The following CCDC60 variants were observed in gnomAD, a reference collection of about 807,000 sequenced individuals.
CCDC60 encodes coiled-coil domain-containing protein 60.
A neutral mutation model predicts 63.5 loss-of-function variants in CCDC60; 54 were observed. The ratio of observed to expected loss-of-function variants is 0.85; its 90% CI spans 0.68 to 1.07. The LOEUF (loss-of-function observed/expected upper bound fraction) is 1.07. Ranked by LOEUF, CCDC60 falls within the 50% of genes least tolerant of loss-of-function variation. The pLI, the probability that CCDC60 is intolerant of heterozygous loss-of-function variation, is 0.00. For synonymous variants in CCDC60, 206 were observed against 238.8 expected (o/e 0.86, Z 1.27); for missense variants, 651 against 684.3 (o/e 0.95, Z 0.54).
intron 1 of CCDC60, among the ~76,000 whole-genome samples, chr12:119,344,495 C>T (rs1955566526): frequency 6.6e-6 from 1 of 152,126 alleles, no homozygotes; most frequent in South Asian, 2.1e-4. Context: ...GCCTCCTTCC[C>T]CAAGGTTACT....
At chr12:119,435,427 C>T (rs1206612874) in intron 2 of CCDC60, among the ~76,000 whole-genome samples, 2 of 152,124 alleles carry the variant, frequency 1.3e-5, no homozygotes, top group African/African-American at 2.4e-5. Flanking sequence ...TCTGCCTTTT[C>T]CACTGCCATT....
intron 1 of CCDC60, among the ~76,000 whole-genome samples, chr12:119,392,119 G>T (rs189820032): frequency 7.9e-5 from 12 of 152,230 alleles, no homozygotes; most frequent in Non-Finnish European, 1.0e-4. Context: ...TAGAGAAAGG[G>T]GTGTCCTGTG....
rs975635496 is a variant in CCDC60, at chr12:119,428,731, A to G, written c.139A>G (p.Ile47Val). 1.9e-6 allele frequency: 3 copies of G among 1,606,364 alleles called. No homozygotes were observed. The highest frequency in any genetic ancestry group is 2.7e-5 in the African/African-American group (2 of 74,834). ...CATCAAGTATATGGACAAGGAAATA[A>G]TAAACCTCAAAAAGGACCTTATACG... Reference protein sequence around the residue: ...KSIKYMDKEIINLKKDLIRSR... With the variant: ...KSIKYMDKEIVNLKKDLIRSR... Residue 47 changes from isoleucine to valine, a missense_variant, in exon 2 of 14, where the codon ATA becomes GTA. Ile to Val is a conservative substitution (Grantham distance 29). Coordinates refer to ENST00000327554, the MANE Select transcript of CCDC60 (RefSeq NM_178499.5).
intron 1 of CCDC60, among the ~76,000 whole-genome samples, chr12:119,416,821 C>G (rs944879864): frequency 2.0e-5 from 3 of 152,196 alleles, no homozygotes; most frequent in Middle Eastern, 3.4e-3. Context: ...AGAATGGAGT[C>G]TTTATAAAGA....
At chr12:119,510,253 C>A (rs905681678) in intron 7 of CCDC60, among the ~76,000 whole-genome samples, 1 of 152,208 alleles carries the variant, frequency 6.6e-6, no homozygotes, top group African/African-American at 2.4e-5. Flanking sequence ...CCCCAGGCTG[C>A]CCAGGTCAGC....
chr12:119,403,610 C>T (rs1447043167), intron 1 of CCDC60, among the ~76,000 whole-genome samples: 1 of 152,160 alleles, frequency 6.6e-6, no homozygotes, highest in African/African-American at 2.4e-5. Context: ...CATCTTCCCC[C>T]TGTGCCCTCT....
intron 1 of CCDC60, among the ~76,000 whole-genome samples, chr12:119,390,800 G>C (rs1956143417): frequency 6.6e-6 from 1 of 152,230 alleles, no homozygotes; most frequent in Non-Finnish European, 1.5e-5. Flanking sequence ...CAAGGAGTTA[G>C]ATGATCTTAA....
intron 7 of CCDC60, among the ~76,000 whole-genome samples, chr12:119,509,808 G>C (rs1029375394): frequency 5.2e-4 from 79 of 152,148 alleles, no homozygotes; most frequent in African/African-American, 1.8e-3. Flanking sequence ...GCACAGAGAG[G>C]TTAAGTTATT....
intron 1 of CCDC60, among the ~76,000 whole-genome samples, chr12:119,389,843 G>A (rs948853462): frequency 3.9e-5 from 6 of 152,022 alleles, no homozygotes; most frequent in Non-Finnish European, 8.8e-5. Context: ...TAGTGGCTTT[G>A]CACACATTAC....
At chr12:119,449,156 A>C (rs1383181197) in intron 2 of CCDC60, among the ~76,000 whole-genome samples, 2 of 152,198 alleles carry the variant, frequency 1.3e-5, no homozygotes, top group Non-Finnish European at 2.9e-5. Context: ...AAAGCTTGCC[A>C]AGTCCATGAG....
At chr12:119,455,995 GAGAAAGAGAA>G (rs1240822044) in intron 2 of CCDC60, among the ~76,000 whole-genome samples, 6 of 79,562 alleles carry the variant, frequency 7.5e-5, no homozygotes, top group African/African-American at 2.9e-4. Context: ...GAAAGAGAGA[GAGAAAGAGAA>G]AGAAAGAAAG....
chr12:119,428,207 C>G (rs1450533211), intron 1 of CCDC60, among the ~76,000 whole-genome samples: 1 of 152,144 alleles, frequency 6.6e-6, no homozygotes, highest in East Asian at 1.9e-4. Context: ...TGACAAGATT[C>G]AGCTCTCCAA....
At chr12:119,469,186 T>G (rs1326472487) in intron 2 of CCDC60, among the ~76,000 whole-genome samples, 1 of 152,166 alleles carries the variant, frequency 6.6e-6, no homozygotes, top group African/African-American at 2.4e-5. Flanking sequence ...CTCTGTTGTC[T>G]CCAAGATTTC....
rs1409541330 is a variant in CCDC60, at chr12:119,482,475, G to T, written c.449+3274G>T. 2.0e-5 allele frequency among the ~76,000 whole-genome samples: 3 copies of T among 152,230 alleles called. No homozygotes were observed. The East Asian group carries it at 5.8e-4, about 29-fold the overall frequency. Reference sequence around the variant, plus strand: ...GTATTCCTTGCAACCACTTAACTTTGCTGTTGCAGCATGAAAACTACAACA... The same window carrying T: ...GTATTCCTTGCAACCACTTAACTTTTCTGTTGCAGCATGAAAACTACAACA... On this transcript the variant is annotated intron_variant, in intron 4 of 13. Transcript: ENST00000327554.
chr12:119,513,489 T>C (rs1952268218), intron 7 of CCDC60, among the ~76,000 whole-genome samples: 1 of 152,240 alleles, frequency 6.6e-6, no homozygotes. Flanking sequence ...AATGCATCAC[T>C]TGAATCTAGA....
chr12:119,501,375 G>A (rs1233207262), intron 6 of CCDC60, among the ~76,000 whole-genome samples: 1 of 152,218 alleles, frequency 6.6e-6, no homozygotes, highest in Non-Finnish European at 1.5e-5. Context: ...GAGAGAGGAG[G>A]TATTTGGGGG....
chr12:119,368,209 G>A (rs1471344440), intron 1 of CCDC60, among the ~76,000 whole-genome samples: 1 of 124,842 alleles, frequency 8.0e-6, no homozygotes, highest in African/African-American at 3.1e-5. Flanking sequence ...GGCAGGAGGA[G>A]GAGGGGGAGG....
chr12:119,537,890 G>A (rs868556244), intron 13 of CCDC60, among the ~76,000 whole-genome samples: 31 of 152,228 alleles, frequency 2.0e-4, no homozygotes, highest in African/African-American at 6.5e-4. Flanking sequence ...CACTTGAGGA[G>A]GCAGTCTGTC....
intron 7 of CCDC60, among the ~76,000 whole-genome samples, chr12:119,516,064 CTG>C (rs1475867523): frequency 6.6e-6 from 1 of 151,980 alleles, no homozygotes; most frequent in Admixed American, 6.6e-5. Context: ...GCCTCACAGG[CTG>C]TGTTGAAAGA....
Sources: allele counts gnomAD v4.1 joint callset (sites outside exome capture counted in the v4.1 genomes callset), GRCh38; gene constraint gnomAD v4.1.1; transcripts MANE v1.5; gene names NCBI Gene and HGNC (gene_info 2026-07-23, HGNC 2026-07-21).